DAB1: variants seen among roughly 807,000 people sequenced by gnomAD.
DAB1 encodes the protein disabled homolog 1.
A neutral mutation model predicts 64.6 loss-of-function variants in DAB1; 15 were observed. The ratio of observed to expected loss-of-function variants is 0.23; its 90% confidence interval spans 0.16 to 0.36. The LOEUF is 0.36. Among genes scored for constraint, DAB1 ranks in the 10% least tolerant of loss-of-function variants. DAB1 has a pLI of 1.00. For missense variants in DAB1, 596 were observed against 706.7 expected (o/e 0.84, Z 1.78); for synonymous variants, 235 against 251.9 (o/e 0.93, Z 0.64).
chr1:57,378,020 T>G (rs554227017), intron 1 of DAB1, among the ~76,000 whole-genome samples: 4 of 152,274 alleles, frequency 2.6e-5, no homozygotes, highest in African/African-American at 9.6e-5. Flanking sequence ...TCAGCTTCAC[T>G]CATGCCCTAC....
intron 4 of DAB1, among the ~76,000 whole-genome samples, chr1:58,247,328 C>A (rs983343994): frequency 1.4e-5 from 2 of 147,142 alleles, no homozygotes; most frequent in Non-Finnish European, 3.0e-5. Context: ...CGATGGAAGA[C>A]AGGTCTGAAA....
intron 4 of DAB1, among the ~76,000 whole-genome samples, chr1:58,334,673 T>C (rs71642159): frequency 6.7e-6 from 1 of 149,042 alleles, no homozygotes; most frequent in East Asian, 1.9e-4. Flanking sequence ...TATTATATTG[T>C]ATTATATAGA....
At chr1:57,525,380 T>G (rs1377868635) in intron 7 of DAB1, among the ~76,000 whole-genome samples, 1 of 151,700 alleles carries the variant, frequency 6.6e-6, no homozygotes, top group Non-Finnish European at 1.5e-5. Flanking sequence ...TACTAAGTAC[T>G]CAAGAGATCT....
intron 7 of DAB1, among the ~76,000 whole-genome samples, chr1:57,459,512 A>G (rs1248458965): frequency 6.6e-6 from 1 of 152,218 alleles, no homozygotes; most frequent in Non-Finnish European, 1.5e-5. Flanking sequence ...ATGTGTGGCC[A>G]GATTGCCCTC....
At chr1:57,613,429 T>C (rs1645751942) in intron 7 of DAB1, among the ~76,000 whole-genome samples, 1 of 152,150 alleles carries the variant, frequency 6.6e-6, no homozygotes, top group Non-Finnish European at 1.5e-5. Flanking sequence ...CTAGGCTCTG[T>C]CAGATATGTG....
chr1:58,310,721 C>T lies in DAB1; in HGVS notation n.309+32631G>A, dbSNP rs527893667. ...ACTCAGGAGACACACTGGCACCTTG[C>T]CCACAGGTGTCATTTACCTGTGCTG... On this transcript the variant is annotated intron_variant and non_coding_transcript_variant, in intron 4 of 20. Transcript: ENST00000485760. 4.6e-5 allele frequency among the ~76,000 whole-genome samples: 7 copies of T among 152,250 alleles called. 1 individual carries two copies. In the South Asian group the frequency reaches 1.5e-3, roughly 32 times the overall value.
chr1:57,656,437 G>A (rs1646319748), intron 6 of DAB1, among the ~76,000 whole-genome samples: 1 of 152,120 alleles, frequency 6.6e-6, no homozygotes. Flanking sequence ...ATGTTTCATG[G>A]CAATAACTGC....
chr1:57,954,199 C>T (rs915759327), intron 5 of DAB1, among the ~76,000 whole-genome samples: 12 of 152,002 alleles, frequency 7.9e-5, no homozygotes, highest in African/African-American at 2.7e-4. Flanking sequence ...CTTTAGTGGC[C>T]ATCTATTTTT....
intron 5 of DAB1, among the ~76,000 whole-genome samples, chr1:57,984,132 G>A (rs1428552592): frequency 1.4e-5 from 2 of 146,704 alleles, no homozygotes; most frequent in African/African-American, 2.5e-5. Context: ...ATAGGAGCTC[G>A]CCTTGGTAAT....
intron 1 of DAB1, among the ~76,000 whole-genome samples, chr1:57,416,828 G>A (rs1482267547): frequency 6.6e-6 from 1 of 152,094 alleles, no homozygotes; most frequent in African/African-American, 2.4e-5. Flanking sequence ...GGAGTTAAAA[G>A]GGACAGCTAT....
intron 6 of DAB1, among the ~76,000 whole-genome samples, chr1:57,716,155 G>T (rs898578630): frequency 1.3e-5 from 2 of 152,054 alleles, no homozygotes; most frequent in African/African-American, 4.8e-5. Context: ...TGATCCACCC[G>T]CCTTGGCCTT....
At chr1:57,937,968 C>T (rs1645051280) in intron 5 of DAB1, among the ~76,000 whole-genome samples, 1 of 152,216 alleles carries the variant, frequency 6.6e-6, no homozygotes, top group Non-Finnish European at 1.5e-5. Flanking sequence ...TACCTATAGT[C>T]AGGGCTAAGC....
intron 6 of DAB1, among the ~76,000 whole-genome samples, chr1:57,761,345 T>A (rs953628379): frequency 2.6e-5 from 4 of 152,222 alleles, no homozygotes; most frequent in African/African-American, 9.6e-5. Flanking sequence ...TTTATTTTAA[T>A]CTATTTTGTA....
At chr1:57,949,497 ATC>A (rs1399642561) in intron 5 of DAB1, among the ~76,000 whole-genome samples, 148 of 150,510 alleles carry the variant, frequency 9.8e-4, no homozygotes, top group African/African-American at 3.4e-3. Context: ...CTATCTATCT[ATC>A]TATCTATCTA....
intron 1 of DAB1, among the ~76,000 whole-genome samples, chr1:57,841,701 C>T (rs755567026): frequency 2.0e-5 from 3 of 152,204 alleles, no homozygotes; most frequent in African/African-American, 7.2e-5. Context: ...TGCCACATCT[C>T]GAGGCTGCAT....
chr1:57,545,168 C>T (rs2101460604), intron 7 of DAB1, among the ~76,000 whole-genome samples: 1 of 152,310 alleles, frequency 6.6e-6, no homozygotes, highest in Admixed American at 6.5e-5. Flanking sequence ...GTCCACATGA[C>T]TGTCATTCTA....
At chr1:57,226,672 A>ATATATATATATATATAT (rs1553158266) in intron 2 of DAB1, among the ~76,000 whole-genome samples, 7 of 135,998 alleles carry the variant, frequency 5.1e-5, no homozygotes, top group African/African-American at 1.9e-4. Context: ...TTAAAAAAAA[A>ATATATATATATATATAT]ATATATATAT....
intron 2 of DAB1, among the ~76,000 whole-genome samples, chr1:57,224,082 C>A (rs1667085334): frequency 6.6e-6 from 1 of 152,162 alleles, no homozygotes; most frequent in Non-Finnish European, 1.5e-5. Context: ...TTGTAATTAT[C>A]CTCAAGTAGA....
At chr1:57,498,227 T>C (rs376444758) in intron 7 of DAB1, among the ~76,000 whole-genome samples, 10 of 152,268 alleles carry the variant, frequency 6.6e-5, no homozygotes, top group South Asian at 2.1e-4. Context: ...TAGATGCAGA[T>C]ATAAAATAGC....
Sources: allele counts gnomAD v4.1 joint callset (sites outside exome capture counted in the v4.1 genomes callset), GRCh38; gene constraint gnomAD v4.1.1; transcripts MANE v1.5; gene names NCBI Gene and HGNC (gene_info 2026-07-23, HGNC 2026-07-21).